Variants in DLG2 observed in about 807,000 individuals in gnomAD.
DLG2 encodes disks large homolog 2.
A neutral mutation model predicts 132.5 loss-of-function variants in DLG2; 45 were observed. The observed-to-expected ratio is 0.34, with a 90% CI of 0.27 to 0.44. DLG2 has a LOEUF of 0.44. DLG2 is among the 20% of genes least tolerant of loss of function. The pLI is 1.00. For missense variants in DLG2, 1,045 were observed against 1,196.9 expected (o/e 0.87, Z 1.87); for synonymous variants, 424 against 419.6 (o/e 1.01, Z -0.13).
chr11:85,401,402 G>A (rs969880949), intron 3 of DLG2, among the ~76,000 whole-genome samples: 1 of 152,036 alleles, frequency 6.6e-6, no homozygotes, highest in Non-Finnish European at 1.5e-5. Context: ...GCCAAAAGCT[G>A]GAAGAATTCC....
Position 83,688,367 on chromosome 11 carries a change from C to A in DLG2, c.1826-55042G>T, listed in dbSNP as rs553061657. Among the ~76,000 whole-genome samples the A allele has an allele frequency of 1.2e-4, 19 of 152,142 alleles. No individual in the cohort carries two copies. The South Asian group carries it at 3.9e-3, about 32-fold the overall frequency. ...AATGTCTGAGGATTAAATGAGATCA[C>A]CTTTGTTAAGTATCTAGAACACCAT... On this transcript the variant is annotated intron_variant, in intron 18 of 27. Transcript: ENST00000376104.
intron 6 of DLG2, among the ~76,000 whole-genome samples, chr11:84,805,159 C>G (rs926502187): frequency 6.6e-6 from 1 of 152,072 alleles, no homozygotes; most frequent in Non-Finnish European, 1.5e-5. Flanking sequence ...AGCCACAGAG[C>G]TAACAATGGA....
intron 18 of DLG2, among the ~76,000 whole-genome samples, chr11:83,770,120 A>G (rs1350755168): frequency 6.6e-6 from 1 of 152,090 alleles, no homozygotes; most frequent in Non-Finnish European, 1.5e-5. Flanking sequence ...GTGTGGGTAA[A>G]TGCTTTTAAA....
intron 11 of DLG2, among the ~76,000 whole-genome samples, chr11:84,019,888 G>C (rs2095340301): frequency 2.0e-5 from 3 of 152,152 alleles, no homozygotes; most frequent in African/African-American, 7.2e-5. Context: ...GTACCCTCCA[G>C]AAGTATGAGA....
chr11:83,747,064 A>G (rs1174469777), intron 18 of DLG2, among the ~76,000 whole-genome samples: 1 of 152,288 alleles, frequency 6.6e-6, no homozygotes, highest in East Asian at 1.9e-4. Flanking sequence ...AACCTTAAAC[A>G]GTACCTTGGA....
Position 83,651,261 on chromosome 11 carries a change from A to G in DLG2, c.1826-17936T>C, listed in dbSNP as rs531907183. ...AATCTCAGATGGAATGTCAGAGAGT[A>G]AGTACATACCTATTGCTGGGGTGAC... On this transcript the variant is annotated intron_variant, in intron 18 of 27. Coordinates refer to ENST00000376104, the MANE Select transcript of DLG2 (RefSeq NM_001142699.3). 7.9e-5 allele frequency among the ~76,000 whole-genome samples: 12 copies of G among 152,318 alleles called. No individual in the cohort carries two copies. The East Asian group carries it at 2.1e-3, about 27-fold the overall frequency.
At chr11:85,411,451 CAA>C (rs2089302151) in intron 3 of DLG2, among the ~76,000 whole-genome samples, 1 of 151,852 alleles carries the variant, frequency 6.6e-6, no homozygotes, top group South Asian at 2.1e-4. Context: ...GCTTTGACCT[CAA>C]GTTTATCATG....
intron 21 of DLG2, among the ~76,000 whole-genome samples, chr11:83,522,797 T>G (rs2095514266): frequency 9.6e-6 from 1 of 104,104 alleles, no homozygotes; most frequent in Non-Finnish European, 2.1e-5. Context: ...GATAGTCTAA[T>G]TTTAGAGCCC....
chr11:85,038,481 C>T (rs1050874905), intron 6 of DLG2, among the ~76,000 whole-genome samples: 6 of 152,038 alleles, frequency 3.9e-5, no homozygotes, highest in Non-Finnish European at 7.4e-5. Context: ...GATGGGGCTA[C>T]TGAGGTTACT....
rs555524806 is a variant in DLG2, at chr11:85,453,300, GC to G, written c.40+145356del. 34 of 278,240 alleles carry G rather than the reference GC, an allele frequency of 1.2e-4. No individual in the cohort carries two copies. In the South Asian group the frequency reaches 2.2e-3, roughly 18 times the overall value. 17.2% of individuals were successfully genotyped at this position (278,240 alleles called of 1,614,324 possible). A position where few individuals can be genotyped will look rare whatever the true frequency, so the allele number is the denominator to read the frequency against. On this transcript the variant is annotated intron_variant, in intron 3 of 27. Transcript: ENST00000376104. ...CCAGAATTAATATGAATCTCTTTGA[GC>G]TAAACTTTGGCTTCATAAGTCATTC...
chr11:84,941,284 A>T (rs1246925633), intron 6 of DLG2, among the ~76,000 whole-genome samples: 2 of 152,220 alleles, frequency 1.3e-5, no homozygotes, highest in Non-Finnish European at 2.9e-5. Context: ...GTATTTTGAT[A>T]GGGATTTCAC....
chr11:85,612,730 G>C (rs185467372), intron 2 of DLG2, among the ~76,000 whole-genome samples: 2 of 152,248 alleles, frequency 1.3e-5, no homozygotes, highest in East Asian at 3.9e-4. Context: ...AAGTCCATCA[G>C]CGCAGAGCCA....
chr11:83,618,012 G>C (rs2061094432), intron 19 of DLG2, among the ~76,000 whole-genome samples: 2 of 151,962 alleles, frequency 1.3e-5, no homozygotes, highest in African/African-American at 4.8e-5. Flanking sequence ...AAAGTACAAT[G>C]TTTGCCTTTT....
intron 6 of DLG2, among the ~76,000 whole-genome samples, chr11:84,556,892 A>G (rs2099413009): frequency 6.6e-6 from 1 of 152,200 alleles, no homozygotes; most frequent in South Asian, 2.1e-4. Flanking sequence ...CATCAGCTAT[A>G]CAATCTATAA....
chr11:85,157,096 T>C (rs2077642238), intron 4 of DLG2, among the ~76,000 whole-genome samples: 1 of 152,142 alleles, frequency 6.6e-6, no homozygotes, highest in Admixed American at 6.5e-5. Context: ...CACGAAAAGA[T>C]TAGACTGGCC....
chr11:84,268,258 T>C (rs2097670029), intron 7 of DLG2, among the ~76,000 whole-genome samples: 1 of 152,144 alleles, frequency 6.6e-6, no homozygotes, highest in Non-Finnish European at 1.5e-5. Flanking sequence ...GGATCACTCT[T>C]CCCTTGCTGC....
rs756338000 is a variant in DLG2 at position 84,534,630 on chromosome 11, G to C, written c.459C>G (p.Asn153Lys). Reference protein sequence around the residue: ...GPELVHVSEKNLSQIENVHGY... With the variant: ...GPELVHVSEKKLSQIENVHGY... ...CATGGACATTTTCTATTTGAGAGAGGTTCTTTTCTGATACATGCACGAGTT... is the reference window on the plus strand; with the variant it reads ...CATGGACATTTTCTATTTGAGAGAGCTTCTTTTCTGATACATGCACGAGTT... The change falls in exon 7 of 28, where the codon AAC (asparagine) becomes AAG (lysine). Residue 153 changes from asparagine to lysine, a missense_variant. Around this residue, in one of 4 missense-constraint regions of DLG2, gnomAD observed 277 missense variants for 238.2 expected, o/e 1.16. Transcript: ENST00000376104. 2 of 1,614,038 alleles carry C rather than the reference G, an allele frequency of 1.2e-6. No homozygotes were observed. Among genetic ancestry groups the C allele is most frequent in the Non-Finnish European group, 1.7e-6 (2 of 1,179,944 alleles).
intron 6 of DLG2, among the ~76,000 whole-genome samples, chr11:84,615,832 A>C (rs1565462258): frequency 2.0e-5 from 3 of 146,998 alleles, no homozygotes; most frequent in East Asian, 1.9e-4. Context: ...AAAAAAAAAA[A>C]AAAAAAAACT....
At chr11:84,871,138 C>A (rs2085400680) in intron 6 of DLG2, among the ~76,000 whole-genome samples, 1 of 152,138 alleles carries the variant, frequency 6.6e-6, no homozygotes, top group Admixed American at 6.5e-5. Context: ...CATAATCACT[C>A]CAAACTTAAA....
Sources: allele counts gnomAD v4.1 joint callset (sites outside exome capture counted in the v4.1 genomes callset), GRCh38; gene constraint gnomAD v4.1.1; regional missense constraint gnomAD v4.1.1; transcripts MANE v1.5; gene names NCBI Gene and HGNC (gene_info 2026-07-23, HGNC 2026-07-21).